Variants in DNMBP observed in about 807,000 individuals in gnomAD.
DNMBP encodes dynamin-binding protein.
In DNMBP, 87 loss-of-function variants were observed where a neutral mutation model predicts 150.0. The observed-to-expected ratio is 0.58, with a 90% CI of 0.49 to 0.69. The LOEUF is 0.69. Among genes scored for constraint, DNMBP ranks in the 30% least tolerant of loss-of-function variants. The probability of loss-of-function intolerance (pLI) is 0.00; values close to 1 mark genes in which losing one functional copy is unlikely to be tolerated. For missense variants in DNMBP, 1,774 were observed against 1,949.0 expected, an observed-to-expected ratio of 0.91 and a Z score of 1.69; for synonymous variants, 711 against 750.4, an observed-to-expected ratio of 0.95 and a Z score of 0.86.
chr10:99,999,847 C>A (rs1220852273), intron 1 of DNMBP, among the ~76,000 whole-genome samples: 1 of 152,076 alleles, frequency 6.6e-6, no homozygotes, highest in East Asian at 1.9e-4. Context: ...GACTTGAGGG[C>A]CAGGCAGGCA....
intron 11 of DNMBP, among the ~76,000 whole-genome samples, chr10:99,892,671 T>C (rs2039591147): frequency 6.8e-6 from 1 of 146,166 alleles, no homozygotes; most frequent in South Asian, 2.3e-4. Context: ...TTTGTTCACT[T>C]GTTTATCTGC....
chr10:99,889,105 A>G, intron 11 of DNMBP, 152 bp from the exon 12 acceptor site: 3 of 845,650 alleles, frequency 3.5e-6, no homozygotes, highest in Non-Finnish European at 5.3e-6. Context: ...AAATAAGCAT[A>G]TTTTCATAAA....
At chr10:100,004,079 A>C (rs1444086120) in intron 1 of DNMBP, among the ~76,000 whole-genome samples, 1 of 147,954 alleles carries the variant, frequency 6.8e-6, no homozygotes, top group Non-Finnish European at 1.5e-5. Context: ...AAAAATTACA[A>C]AAAAAAAAAA....
chr10:99,884,094 G>A lies in DNMBP; in HGVS notation c.3914C>T (p.Ser1305Leu), dbSNP rs373053661. 1.9e-6 allele frequency: 3 copies of A among 1,613,978 alleles called. No individual in the cohort carries two copies. The highest frequency in any genetic ancestry group is 2.7e-5 in the African/African-American group (2 of 74,868). The change falls in exon 15 of 17, where the codon TCA (serine) becomes TTA (leucine). Residue 1305 changes from serine (S) to leucine (L), a missense_variant. Around this residue, in one of 2 missense-constraint regions of DNMBP, gnomAD observed 1,430 missense variants for 1,492.5 expected, o/e 0.96. Transcript: ENST00000324109. ...NFNAAQDLDV[S>L]LLEGDLVGVI... is the part of the protein sequence containing the mutation. Reference sequence around the variant, plus strand: ...ACCCACCAGGTCACCTTCCAAAAGTGAGACATCCAAGTCTTGAGCAGCATT... The same window carrying A: ...ACCCACCAGGTCACCTTCCAAAAGTAAGACATCCAAGTCTTGAGCAGCATT...
At chr10:99,922,527 TAAAAAA>T (rs71009788) in intron 4 of DNMBP, among the ~76,000 whole-genome samples, 1 of 78,966 alleles carries the variant, frequency 1.3e-5, no homozygotes, top group Admixed American at 1.9e-4. Context: ...TTTTTTTTCT[TAAAAAA>T]AAAAAAAAGA....
chr10:99,912,383 C>T (rs916806843), intron 4 of DNMBP, among the ~76,000 whole-genome samples: 1 of 152,150 alleles, frequency 6.6e-6, no homozygotes, highest in Non-Finnish European at 1.5e-5. Context: ...AGCACTTACT[C>T]ATCAATCAGA....
At chr10:99,941,546 G>A (rs562864060) in intron 4 of DNMBP, among the ~76,000 whole-genome samples, 6 of 151,006 alleles carry the variant, frequency 4.0e-5, no homozygotes, top group Admixed American at 2.0e-4. Flanking sequence ...TCGGCTCACC[G>A]CAACCTCCAC....
intron 1 of DNMBP, among the ~76,000 whole-genome samples, chr10:100,007,386 A>T (rs894130510): frequency 6.6e-6 from 1 of 151,784 alleles, no homozygotes; most frequent in African/African-American, 2.4e-5. Context: ...TGCTACCACG[A>T]CCCCGGCACA....
intron 15 of DNMBP, among the ~76,000 whole-genome samples, 185 bp from the exon 16 acceptor site, chr10:99,880,546 G>A (rs1475679978): frequency 6.6e-6 from 1 of 152,204 alleles, no homozygotes; most frequent in Non-Finnish European, 1.5e-5. Flanking sequence ...AAAGCGGCTT[G>A]GAACACTCAG....
chr10:99,912,633 TGGGTGGGACCGG>T (rs958666032), intron 4 of DNMBP, among the ~76,000 whole-genome samples: 1 of 152,198 alleles, frequency 6.6e-6, no homozygotes, highest in African/African-American at 2.4e-5. Flanking sequence ...TCAGCAAACC[TGGGTGGGACCGG>T]GGTATCCGCA....
intron 11 of DNMBP, among the ~76,000 whole-genome samples, chr10:99,893,967 T>C (rs989559613): frequency 1.3e-5 from 2 of 149,664 alleles, no homozygotes; most frequent in African/African-American, 4.9e-5. Flanking sequence ...GTTTAAAAAC[T>C]TTTTTTTTAA....
At chr10:99,906,531 G>T (rs562418321) in intron 6 of DNMBP, among the ~76,000 whole-genome samples, 1 of 152,294 alleles carries the variant, frequency 6.6e-6, no homozygotes, top group East Asian at 1.9e-4. Context: ...TCAGGTTATA[G>T]AAGACTCTGT....
intron 4 of DNMBP, chr10:99,928,232 G>C (rs2040104493): frequency 6.6e-6 from 1 of 152,200 alleles, no homozygotes; most frequent in African/African-American, 2.4e-5. Flanking sequence ...CATGTTGGAA[G>C]ACCACCAGGT....
In DNMBP at chr10:99,956,444, G is replaced by A. The variant is rs754009344; in HGVS notation, c.1030C>T (p.His344Tyr). The change falls in exon 4 of 17, where the codon CAT (histidine) becomes TAT (tyrosine). Residue 344 changes from histidine to tyrosine, a missense_variant. Transcript: ENST00000324109. ...VEEQRHETSD[H>Y]EAEEPDCIIS... ...ATGCAGTCAGGCTCCTCGGCCTCATGGTCACTGGTTTCATGTCTTTGTTCC... is the reference window on the plus strand; with the variant it reads ...ATGCAGTCAGGCTCCTCGGCCTCATAGTCACTGGTTTCATGTCTTTGTTCC... The A allele has an allele frequency of 4.3e-6, 7 of 1,614,052 alleles. No homozygotes were observed. Among genetic ancestry groups the A allele is most frequent in the South Asian group, 1.1e-5 (1 of 91,068 alleles).
At chr10:99,980,400 T>C (rs1043578441) in intron 1 of DNMBP, among the ~76,000 whole-genome samples, 26 of 151,246 alleles carry the variant, frequency 1.7e-4, no homozygotes, top group African/African-American at 5.6e-4. Flanking sequence ...TGAGCCAAGA[T>C]TGGGCCACTG....
At chr10:99,877,435 A>G in intron 16 of DNMBP, 99 bp from the exon 17 acceptor site, 1 of 902,660 alleles carries the variant, frequency 1.1e-6, no homozygotes, top group Non-Finnish European at 1.7e-6. Flanking sequence ...ACATGCCCAC[A>G]TGTGGCTACT....
chr10:99,954,922 G>A (rs1289307246), intron 4 of DNMBP, among the ~76,000 whole-genome samples: 2 of 151,428 alleles, frequency 1.3e-5, no homozygotes, highest in East Asian at 1.9e-4. Flanking sequence ...TGGTGATGGC[G>A]CATGTCTGCA....
At chr10:99,958,866 C>T (rs1347284874) in intron 3 of DNMBP, among the ~76,000 whole-genome samples, 3 of 152,204 alleles carry the variant, frequency 2.0e-5, no homozygotes, top group Non-Finnish European at 4.4e-5. Context: ...AGTTCACCGA[C>T]GTAGTTTCAG....
At chr10:99,967,668 G>GTTCTGGGT (rs1554871375) in intron 3 of DNMBP, among the ~76,000 whole-genome samples, 1 of 145,564 alleles carries the variant, frequency 6.9e-6, no homozygotes, top group Non-Finnish European at 1.5e-5. Context: ...GGTTTTTCTG[G>GTTCTGGGT]GTGTGTGTGT....
Sources: allele counts gnomAD v4.1 joint callset (sites outside exome capture counted in the v4.1 genomes callset), GRCh38; gene constraint gnomAD v4.1.1; regional missense constraint gnomAD v4.1.1; transcripts MANE v1.5; gene names NCBI Gene and HGNC (gene_info 2026-07-23, HGNC 2026-07-21).